The following CADM2 variants were observed in gnomAD, a reference collection of about 807,000 sequenced individuals.
CADM2 encodes immunoglobulin superfamily member 4D.
Under a neutral mutation model 49.8 loss-of-function variants are expected in CADM2, and 12 were observed. The observed-to-expected ratio is 0.24, with a 90% CI of 0.15 to 0.39. CADM2 has a LOEUF of 0.39. Ranked by LOEUF, CADM2 falls within the 10% of genes least tolerant of loss-of-function variation. The probability of loss-of-function intolerance (pLI) is 1.00; values close to 1 mark genes in which losing one functional copy is unlikely to be tolerated. For missense variants in CADM2, 378 were observed against 492.3 expected (o/e 0.77, Z 2.20); for synonymous variants, 214 against 175.4 (o/e 1.22, Z -1.74).
chr3:85,601,125 T>TGTGA (rs1491366141), intron 1 of CADM2, among the ~76,000 whole-genome samples: 2 of 16,196 alleles, frequency 1.2e-4, no homozygotes, highest in Non-Finnish European at 2.5e-4. Context: ...CATTTATATA[T>TGTGA]GTGTGTATAT....
At chr3:85,744,972 G>A (rs1314780326) in intron 2 of CADM2, among the ~76,000 whole-genome samples, 1 of 152,176 alleles carries the variant, frequency 6.6e-6, no homozygotes, top group Non-Finnish European at 1.5e-5. Flanking sequence ...AGATGTTATT[G>A]TAATACTATA....
chr3:85,214,196 T>A (rs2041869948), intron 1 of CADM2, among the ~76,000 whole-genome samples: 1 of 151,974 alleles, frequency 6.6e-6, no homozygotes, highest in Admixed American at 6.6e-5. Context: ...CCTGTATTTG[T>A]TCCACCTTGG....
rs368329332 is a variant in CADM2, at chr3:85,910,123, A to G, written c.530-2250A>G. Among the ~76,000 whole-genome samples the G allele has an allele frequency of 1.1e-4, 17 of 152,294 alleles. 1 individual carries two copies. The highest frequency in any genetic ancestry group is 3.8e-4 in the African/African-American group (16 of 41,572). ...TCCAATTAATATTACATTAAATGCT[A>G]CTTTTGTAAGGGAAACAGCTAAAAG... is the stretch of plus-strand genomic sequence containing the variant. On this transcript the variant is annotated intron_variant, in intron 5 of 9. Coordinates refer to ENST00000383699, the MANE Select transcript of CADM2 (RefSeq NM_001167675.2).
chr3:85,125,694 A>T (rs2039011008), intron 1 of CADM2, among the ~76,000 whole-genome samples: 1 of 152,198 alleles, frequency 6.6e-6, no homozygotes, highest in South Asian at 2.1e-4. Context: ...TGCCTTACTT[A>T]GACAATTTAT....
intron 1 of CADM2, among the ~76,000 whole-genome samples, chr3:85,660,703 T>G (rs2107608597): frequency 6.6e-6 from 1 of 152,002 alleles, no homozygotes; most frequent in African/African-American, 2.4e-5. Flanking sequence ...GAAAAATAGG[T>G]TTTTAGAAAT....
intron 1 of CADM2, among the ~76,000 whole-genome samples, chr3:85,032,624 T>A (rs1308445653): frequency 1.3e-5 from 2 of 152,208 alleles, no homozygotes; most frequent in African/African-American, 4.8e-5. Flanking sequence ...TTTACCTGTC[T>A]CTCCCTTTAA....
chr3:85,955,998 A>G (rs1012241945), intron 7 of CADM2, among the ~76,000 whole-genome samples: 1 of 151,760 alleles, frequency 6.6e-6, no homozygotes, highest in Non-Finnish European at 1.5e-5. Flanking sequence ...TTATAGTTTT[A>G]TAGAATTGAT....
chr3:85,023,786 T>G (rs2107300966), intron 1 of CADM2, among the ~76,000 whole-genome samples: 1 of 152,152 alleles, frequency 6.6e-6, no homozygotes, highest in Non-Finnish European at 1.5e-5. Flanking sequence ...TTTTTAAAAT[T>G]TAGTGTTCTG....
chr3:85,163,496 C>T (rs1233154805), intron 1 of CADM2, among the ~76,000 whole-genome samples: 7 of 151,928 alleles, frequency 4.6e-5, no homozygotes, highest in Non-Finnish European at 7.4e-5. Context: ...GAGGACACAC[C>T]GATACTATAT....
chr3:85,021,353 G>T (rs2034501502), intron 1 of CADM2, among the ~76,000 whole-genome samples: 1 of 152,102 alleles, frequency 6.6e-6, no homozygotes, highest in South Asian at 2.1e-4. Flanking sequence ...TAGGTGATTT[G>T]TCAGGCCACA....
chr3:85,356,646 T>A (rs1398307628), intron 1 of CADM2, among the ~76,000 whole-genome samples: 1 of 152,172 alleles, frequency 6.6e-6, no homozygotes, highest in East Asian at 1.9e-4. Flanking sequence ...ACAAGGCACA[T>A]TAACAAGTTT....
At chr3:85,403,786 C>T (rs1298710581) in intron 1 of CADM2, among the ~76,000 whole-genome samples, 1 of 152,068 alleles carries the variant, frequency 6.6e-6, no homozygotes, top group Non-Finnish European at 1.5e-5. Context: ...TAAGTTCATC[C>T]AGCACAATAT....
At chr3:85,156,204 C>A (rs1361838554) in intron 1 of CADM2, among the ~76,000 whole-genome samples, 1 of 151,510 alleles carries the variant, frequency 6.6e-6, no homozygotes, top group African/African-American at 2.4e-5. Context: ...TTGAAAGGAT[C>A]AACAAAATTG....
chr3:85,007,654 G>A (rs970991310), intron 1 of CADM2, among the ~76,000 whole-genome samples: 8 of 152,124 alleles, frequency 5.3e-5, no homozygotes, highest in African/African-American at 1.4e-4. Flanking sequence ...CTTGAGAAAC[G>A]CAAATGAAGA....
intron 1 of CADM2, chr3:85,512,003 A>T (rs1367572471): frequency 4.4e-6 from 2 of 457,724 alleles, no homozygotes; most frequent in African/African-American, 2.1e-5. Flanking sequence ...TTCTTTTAAA[A>T]TTTTTTTCAA....
In CADM2 at chr3:85,769,144, T is replaced by TAC. The variant is rs1464056995; in HGVS notation, c.89-32899_89-32898dup. ...CACATATATACATATATAGTATATATACACATATATACATATATAGTATAT... is the reference window on the plus strand; with the variant it reads ...CACATATATACATATATAGTATATATACACACATATATACATATATAGTATAT... On this transcript the variant is annotated intron_variant, in intron 2 of 9. Coordinates refer to ENST00000383699, the MANE Select transcript of CADM2 (RefSeq NM_001167675.2). Among the ~76,000 whole-genome samples, 11 of 64,384 alleles carry TAC rather than the reference T, an allele frequency of 1.7e-4. 1 individual carries two copies. The highest frequency in any genetic ancestry group is 1.1e-3 in the East Asian group (2 of 1,834). The allele number at this position is 64,384 out of a possible 152,430, so 42.2% of individuals were successfully genotyped here.
At chr3:85,093,685 T>C (rs909131921) in intron 1 of CADM2, among the ~76,000 whole-genome samples, 2 of 152,186 alleles carry the variant, frequency 1.3e-5, no homozygotes, top group African/African-American at 4.8e-5. Context: ...ATTGCTCTTA[T>C]GGCTATTACA....
intron 5 of CADM2, among the ~76,000 whole-genome samples, chr3:85,888,156 T>C (rs2108407231): frequency 6.6e-6 from 1 of 152,136 alleles, no homozygotes; most frequent in East Asian, 1.9e-4. Flanking sequence ...TAGTATTTTA[T>C]TTATGTTCCA....
chr3:85,301,300 T>C (rs548082562), intron 1 of CADM2, among the ~76,000 whole-genome samples: 7 of 152,098 alleles, frequency 4.6e-5, no homozygotes, highest in African/African-American at 1.7e-4. Flanking sequence ...TCACAAATAA[T>C]ATAAGCTGAG....
Sources: gnomAD v4.1 joint callset for allele counts (sites outside exome capture counted in the v4.1 genomes callset) on GRCh38, gnomAD v4.1.1 for gene constraint, MANE v1.5 for transcripts, NCBI Gene and HGNC (gene_info 2026-07-23, HGNC 2026-07-21) for gene names.